Variants in FBLN7 observed in about 807,000 individuals in gnomAD.
FBLN7 encodes the protein fibulin-7.
FBLN7 carries 31 observed loss-of-function variants against 44.0 expected under a neutral mutation model. The observed-to-expected ratio is 0.70, with a 90% confidence interval of 0.53 to 0.95. The LOEUF (loss-of-function observed/expected upper bound fraction) is 0.95. Ranked by LOEUF, FBLN7 falls within the 40% of genes least tolerant of loss-of-function variation. The pLI, the probability that FBLN7 is intolerant of heterozygous loss-of-function variation, is 0.00. For synonymous variants in FBLN7, 262 were observed against 253.4 expected (o/e 1.03, Z -0.32); for missense variants, 573 against 618.5 (o/e 0.93, Z 0.78).
At chr2:112,235,921 T>C in the FBLN7 span, among the ~76,000 whole-genome samples, 1 of 142,904 alleles carries the variant, frequency 7.0e-6, no homozygotes, top group African/African-American at 2.6e-5. Context: ...TCCCGAGTCA[T>C]TGATAGTATA....
rs1573786849 is a variant in FBLN7, at chr2:112,159,931, C to T, written c.235+96C>T. On this transcript the variant is annotated intron_variant, in intron 2 of 7. Coordinates refer to ENST00000331203, the MANE Select transcript of FBLN7 (RefSeq NM_153214.3). ...CTGGAGGCCCCTCGTCACCCCTCACCCTTCCCCCATCACCTTCCATCTTCC... is the reference window on the plus strand; with the variant it reads ...CTGGAGGCCCCTCGTCACCCCTCACTCTTCCCCCATCACCTTCCATCTTCC... The T allele has an allele frequency of 4.7e-6, 5 of 1,064,136 alleles. No individual in the cohort carries two copies. In the East Asian group the frequency reaches 1.6e-4, roughly 35 times the overall value. 65.9% of individuals were successfully genotyped at this position (1,064,136 alleles called of 1,614,324 possible).
chr2:112,233,426 A>T, the FBLN7 span: 1 of 1,169,346 alleles, frequency 8.6e-7, no homozygotes, highest in Non-Finnish European at 1.2e-6. Context: ...TCAAGTCATT[A>T]TGATTTAATT....
At chr2:112,178,095 G>A (rs534841104) in intron 4 of FBLN7, 2 of 152,088 alleles carry the variant, frequency 1.3e-5, no homozygotes, top group South Asian at 4.1e-4. Flanking sequence ...TTGAATGCGG[G>A]AGACAGAGGC....
In FBLN7 at chr2:112,160,736, A is replaced by ACACACACG. The variant is rs1180345017; in HGVS notation, c.235+902_235+903insACACACGC. 1.5e-3 allele frequency among the ~76,000 whole-genome samples: 152 copies of ACACACACG among 102,186 alleles called. 1 individual carries two copies. The highest frequency in any genetic ancestry group is 5.5e-3 in the African/African-American group (143 of 25,974). 67.0% of individuals were successfully genotyped at this position (102,186 alleles called of 152,430 possible). A position where few individuals can be genotyped will look rare whatever the true frequency, so the allele number is the denominator to read the frequency against. ...CACAAGCACGCGCACACGCACGCAC[A>ACACACACG]CGCACACACGCGCACGCACACACGC... On this transcript the variant is annotated intron_variant, in intron 2 of 7. Coordinates refer to ENST00000331203, the MANE Select transcript of FBLN7 (RefSeq NM_153214.3).
At chr2:112,239,579 CTTTTTTTTTTTTT>C in the FBLN7 span, among the ~76,000 whole-genome samples, 1 of 86,488 alleles carries the variant, frequency 1.2e-5, no homozygotes, top group African/African-American at 5.3e-5. Flanking sequence ...TAACAGTTTA[CTTTTTTTTTTTTT>C]TTTTTTTTTT....
intron 1 of FBLN7, chr2:112,152,076 G>A (rs1681185484): frequency 6.6e-6 from 1 of 152,208 alleles, no homozygotes; most frequent in Admixed American, 6.5e-5. Context: ...ACTTTCAAGG[G>A]GATGCTGTGA....
chr2:112,181,967 C>A lies in FBLN7; in HGVS notation c.670+91C>A, dbSNP rs749971374. ...CTCACCCACCGCCCTCCTGCCGGCA[C>A]GGGTGGCTTCCTGCGCGCGGTCTCA... On this transcript the variant is annotated intron_variant, in intron 5 of 7. Coordinates refer to ENST00000331203, the MANE Select transcript of FBLN7 (RefSeq NM_153214.3). The A allele has an allele frequency of 4.2e-6, 6 of 1,437,162 alleles. No individual in the cohort carries two copies. In the African/African-American group the frequency reaches 7.4e-5, roughly 18 times the overall value. The allele number at this position is 1,437,162 out of a possible 1,614,324, so 89.0% of individuals were successfully genotyped here.
intron 6 of FBLN7, among the ~76,000 whole-genome samples, chr2:112,184,637 GTATA>G (rs894478070): frequency 1.1e-5 from 1 of 90,470 alleles, no homozygotes; most frequent in Non-Finnish European, 2.3e-5. Flanking sequence ...AAAAGTGTGT[GTATA>G]TATAGTATAT....
intron 4 of FBLN7, chr2:112,176,173 C>T (rs1682729288): frequency 5.0e-6 from 1 of 199,374 alleles, no homozygotes; most frequent in Non-Finnish European, 1.0e-5. Flanking sequence ...TTTCTTACGC[C>T]AGCAGAACCA....
chr2:112,227,204 A>T, the FBLN7 span, among the ~76,000 whole-genome samples: 1 of 152,242 alleles, frequency 6.6e-6, no homozygotes, highest in African/African-American at 2.4e-5. Context: ...CAGGCACAAA[A>T]GAAATAAAAA....
chr2:112,212,880 T>C, the FBLN7 span: 3 of 151,926 alleles, frequency 2.0e-5, no homozygotes, highest in Non-Finnish European at 4.4e-5. Context: ...TTGCTTATAA[T>C]TGGCAGGAGG....
the FBLN7 span, among the ~76,000 whole-genome samples, chr2:112,220,387 G>A: frequency 1.3e-5 from 2 of 152,182 alleles, no homozygotes; most frequent in Admixed American, 1.3e-4. Context: ...TGAAAAGGAT[G>A]TAATTTTCCT....
At chr2:112,162,949 A>G (rs1681952897) in intron 2 of FBLN7, among the ~76,000 whole-genome samples, 1 of 152,226 alleles carries the variant, frequency 6.6e-6, no homozygotes, top group South Asian at 2.1e-4. Flanking sequence ...AATTTATTTC[A>G]GAGGCTGAGG....
Position 112,150,382 on chromosome 2 carries a change from GA to G in FBLN7, c.76-9284del, listed in dbSNP as rs146395201. Among the ~76,000 whole-genome samples the G allele has an allele frequency of 2.8e-3, 416 of 147,814 alleles. 4 individuals are homozygous for G. Among genetic ancestry groups the G allele is most frequent in the African/African-American group, 9.8e-3 (398 of 40,448 alleles). On this transcript the variant is annotated intron_variant, in intron 1 of 7. Coordinates refer to ENST00000331203, the MANE Select transcript of FBLN7 (RefSeq NM_153214.3). ...GACAGGGGTCTCTGCTGTACCAGAA[GA>G]AAAAAAAAATGCATCCAGAGAAGCA...
chr2:112,181,026 T>G (rs1469947589), intron 4 of FBLN7, among the ~76,000 whole-genome samples: 1 of 151,828 alleles, frequency 6.6e-6, no homozygotes, highest in Non-Finnish European at 1.5e-5. Context: ...TGAGATCATG[T>G]CTTTTGTGGA....
chr2:112,240,362 G>A, the FBLN7 span: 2 of 152,220 alleles, frequency 1.3e-5, no homozygotes, highest in Admixed American at 1.3e-4. Context: ...GATAGATTAT[G>A]TTTACCTTGG....
At chr2:112,202,563 T>C in the FBLN7 span, among the ~76,000 whole-genome samples, 1 of 152,112 alleles carries the variant, frequency 6.6e-6, no homozygotes, top group African/African-American at 2.4e-5. Flanking sequence ...CACTCCTCTA[T>C]GAAAGACATA....
chr2:112,220,786 A>G, the FBLN7 span, among the ~76,000 whole-genome samples: 1 of 152,194 alleles, frequency 6.6e-6, no homozygotes, highest in African/African-American at 2.4e-5. Flanking sequence ...GTGCCATTGC[A>G]CTTCAGCCTG....
chr2:112,216,694 A>AAAC, the FBLN7 span, among the ~76,000 whole-genome samples: 1 of 151,990 alleles, frequency 6.6e-6, no homozygotes, highest in Non-Finnish European at 1.5e-5. Context: ...AAAAAAAAAA[A>AAAC]AAATACAAAT....
Sources: gnomAD v4.1 joint callset for allele counts (sites outside exome capture counted in the v4.1 genomes callset) on GRCh38, gnomAD v4.1.1 for gene constraint, MANE v1.5 for transcripts, NCBI Gene and HGNC (gene_info 2026-07-23, HGNC 2026-07-21) for gene names.